Variants in PIGK observed in about 807,000 individuals in gnomAD.
PIGK encodes the protein phosphatidylinositol glycan anchor biosynthesis class K, also known as GPI-anchor transamidase.
A neutral mutation model predicts 50.6 loss-of-function variants in PIGK; 42 were observed. That is an observed-to-expected ratio of 0.83 (90% CI 0.65 to 1.07). PIGK has a LOEUF of 1.07. Ranked by LOEUF, PIGK falls within the 50% of genes least tolerant of loss-of-function variation. The pLI is 0.00. For missense variants in PIGK, 448 were observed against 488.7 expected, an observed-to-expected ratio of 0.92 and a Z score of 0.78; for synonymous variants, 151 against 156.0, an observed-to-expected ratio of 0.97 and a Z score of 0.24.
intron 5 of PIGK, among the ~76,000 whole-genome samples, chr1:77,164,401 T>C (rs1655192979): frequency 6.6e-6 from 1 of 152,214 alleles, no homozygotes; most frequent in Admixed American, 6.5e-5. Context: ...TATGCCATGT[T>C]AGTTTAGGAA....
intron 3 of PIGK, among the ~76,000 whole-genome samples, chr1:77,198,907 G>C (rs1656093306): frequency 6.6e-6 from 1 of 151,926 alleles, no homozygotes; most frequent in South Asian, 2.1e-4. Flanking sequence ...CAAGACCTAA[G>C]AATAGGCAAG....
At chr1:77,170,765 T>A (rs566590977) in intron 3 of PIGK, among the ~76,000 whole-genome samples, 6 of 152,332 alleles carry the variant, frequency 3.9e-5, no homozygotes, top group African/African-American at 1.4e-4. Context: ...AAATTCTCCA[T>A]TCTACCATAT....
At chr1:77,098,597 C>T (rs1452792961) in intron 10 of PIGK, among the ~76,000 whole-genome samples, 1 of 152,024 alleles carries the variant, frequency 6.6e-6, no homozygotes, top group East Asian at 1.9e-4. Flanking sequence ...CCTTGGCCTC[C>T]TAAAGTGTTA....
intron 6 of PIGK, among the ~76,000 whole-genome samples, chr1:77,162,540 G>A (rs1382291140): frequency 6.6e-6 from 1 of 152,098 alleles, no homozygotes; most frequent in South Asian, 2.1e-4. Flanking sequence ...TATAAGTTTG[G>A]AGAAACCATG....
intron 9 of PIGK, among the ~76,000 whole-genome samples, chr1:77,124,730 AAC>A (rs1654189265): frequency 6.6e-6 from 1 of 152,180 alleles, no homozygotes; most frequent in Non-Finnish European, 1.5e-5. Flanking sequence ...AGAATGAAAA[AAC>A]AGTCTACAGA....
intron 8 of PIGK, among the ~76,000 whole-genome samples, chr1:77,159,451 C>A (rs1284854878): frequency 1.3e-5 from 2 of 152,138 alleles, no homozygotes; most frequent in African/African-American, 4.8e-5. Context: ...GAGAAGAGGG[C>A]CACCGTCCTC....
At chr1:77,209,028 C>G (rs1488171388) in intron 2 of PIGK, among the ~76,000 whole-genome samples, 1 of 152,008 alleles carries the variant, frequency 6.6e-6, no homozygotes, top group Non-Finnish European at 1.5e-5. Flanking sequence ...CATTTATAAT[C>G]CCCAGTTTTC....
chr1:77,146,351 C>G (rs537664393), intron 9 of PIGK, among the ~76,000 whole-genome samples: 96 of 152,224 alleles, frequency 6.3e-4, no homozygotes, highest in African/African-American at 2.2e-3. Flanking sequence ...TAAATTTCTA[C>G]CCTTCAAAAG....
At chr1:77,137,751 A>G (rs530635099) in intron 9 of PIGK, among the ~76,000 whole-genome samples, 3 of 151,836 alleles carry the variant, frequency 2.0e-5, no homozygotes, top group Non-Finnish European at 4.4e-5. Context: ...TTACAGGTGC[A>G]TACCACCACA....
At chr1:77,093,114 C>T (rs1653335305) in intron 10 of PIGK, among the ~76,000 whole-genome samples, 1 of 152,014 alleles carries the variant, frequency 6.6e-6, no homozygotes, top group African/African-American at 2.4e-5. Flanking sequence ...CAGACTCTCC[C>T]ACCTGATATG....
intron 9 of PIGK, among the ~76,000 whole-genome samples, chr1:77,125,686 G>A (rs538108719): frequency 3.0e-4 from 46 of 152,012 alleles, no homozygotes; most frequent in African/African-American, 1.1e-3. Context: ...TATCTTAAAA[G>A]TTGATTGTTA....
At chr1:77,194,055 A>G (rs1655973549) in intron 3 of PIGK, among the ~76,000 whole-genome samples, 1 of 139,078 alleles carries the variant, frequency 7.2e-6, no homozygotes. Flanking sequence ...TCAAAAGAAG[A>G]CAAACAGCCA....
chr1:77,205,260 G>A (rs1656262804), intron 3 of PIGK, among the ~76,000 whole-genome samples: 1 of 151,908 alleles, frequency 6.6e-6, no homozygotes, highest in South Asian at 2.1e-4. Context: ...AAGACCAAAA[G>A]CTAACTACAT....
At chr1:77,119,982 GA>G (rs1654059156) in intron 10 of PIGK, among the ~76,000 whole-genome samples, 1 of 152,102 alleles carries the variant, frequency 6.6e-6, no homozygotes, top group South Asian at 2.1e-4. Context: ...CCAGAAAGAT[GA>G]TAAAATAGGA....
chr1:77,201,561 A>G (rs999792318), intron 3 of PIGK, among the ~76,000 whole-genome samples: 1 of 152,032 alleles, frequency 6.6e-6, no homozygotes, highest in African/African-American at 2.4e-5. Flanking sequence ...GGAGTGTGAG[A>G]CCAGCCTGGC....
At position 77,122,112 on chromosome 1, in the gene PIGK, T is replaced by TG. The variant is rs139023695; in HGVS notation, c.1071+162dup. Among the ~76,000 whole-genome samples, 832 of 152,324 alleles carry TG rather than the reference T, an allele frequency of 5.5e-3. 8 individuals are homozygous for TG. The highest frequency in any genetic ancestry group is 0.019 in the African/African-American group (786 of 41,576). ...CAAGTAGCCTTTTAATATTGTGCTTTGAATGGGACTTTCAACTGTAATAGG... is the reference window on the plus strand; with the variant it reads ...CAAGTAGCCTTTTAATATTGTGCTTTGGAATGGGACTTTCAACTGTAATAGG... On this transcript the variant is annotated intron_variant, in intron 10 of 10. Coordinates refer to ENST00000370812, the MANE Select transcript of PIGK (RefSeq NM_005482.3).
rs1349530829 is a variant in PIGK at position 77,092,320 on chromosome 1, T to A, written c.*54A>T. 3.8e-5 allele frequency: 29 copies of A among 757,658 alleles called. No homozygotes were observed. The East Asian group carries it at 7.8e-4, about 20-fold the overall frequency. 46.9% of individuals were successfully genotyped at this position (757,658 alleles called of 1,614,324 possible). ...ACATTTTTAAAAATATATAATGACA[T>A]AAATTATTATCCAAGTTTGCAGTCC... On this transcript the variant is annotated 3_prime_UTR_variant, in exon 11 of 11. Coordinates refer to ENST00000370812, the MANE Select transcript of PIGK (RefSeq NM_005482.3).
chr1:77,213,027 C>T (rs867978571), intron 1 of PIGK, among the ~76,000 whole-genome samples: 88 of 152,266 alleles, frequency 5.8e-4, no homozygotes, highest in African/African-American at 1.8e-3. Flanking sequence ...TAGATTCAAG[C>T]GATTCTCCTG....
intron 3 of PIGK, among the ~76,000 whole-genome samples, chr1:77,205,319 T>C (rs1172566820): frequency 6.6e-6 from 1 of 151,574 alleles, no homozygotes; most frequent in East Asian, 1.9e-4. Flanking sequence ...ATTATATCTA[T>C]ACACTTGATA....
Sources: gnomAD v4.1 joint callset for allele counts (sites outside exome capture counted in the v4.1 genomes callset) on GRCh38, gnomAD v4.1.1 for gene constraint, MANE v1.5 for transcripts, NCBI Gene and HGNC (gene_info 2026-07-23, HGNC 2026-07-21) for gene names.